NUBPL: variants seen among roughly 807,000 people sequenced by gnomAD.
NUBPL encodes NUBP iron-sulfur cluster assembly factor, mitochondrial.
In NUBPL, 31 loss-of-function variants were observed where a neutral mutation model predicts 45.7. The ratio of observed to expected loss-of-function variants is 0.68; its 90% CI spans 0.51 to 0.92. The LOEUF (loss-of-function observed/expected upper bound fraction) is 0.92, where lower values mean the gene tolerates loss of function less well. NUBPL is among the 40% of genes least tolerant of loss of function. The pLI, the probability that NUBPL is intolerant of heterozygous loss-of-function variation, is 0.00. For synonymous variants in NUBPL, 144 were observed against 140.9 expected (o/e 1.02, Z -0.15); for missense variants, 401 against 398.7 (o/e 1.01, Z -0.05).
rs556159581 is a variant in NUBPL, at chr14:31,790,905, C to A, written c.607+3032C>A. Among the ~76,000 whole-genome samples the A allele has an allele frequency of 7.9e-5, 12 of 152,190 alleles. No individual in the cohort carries two copies. The East Asian group carries it at 2.3e-3, about 29-fold the overall frequency. Reference sequence around the variant, plus strand: ...CAATGGATCCTCCATTCTCCCCAGCCCCTGATAACCACTATTCTTAATTTA... The same window carrying A: ...CAATGGATCCTCCATTCTCCCCAGCACCTGATAACCACTATTCTTAATTTA... On this transcript the variant is annotated intron_variant, in intron 7 of 10. Coordinates refer to ENST00000281081, the MANE Select transcript of NUBPL (RefSeq NM_025152.3).
At chr14:31,744,352 T>A (rs8018186) in intron 6 of NUBPL, among the ~76,000 whole-genome samples, 50 of 152,114 alleles carry the variant, frequency 3.3e-4, no homozygotes, top group African/African-American at 1.1e-3. Flanking sequence ...ATTCAGAATA[T>A]CATTTGTCAT....
chr14:31,603,508 T>C (rs1263835159), intron 4 of NUBPL, among the ~76,000 whole-genome samples: 1 of 152,120 alleles, frequency 6.6e-6, no homozygotes, highest in African/African-American at 2.4e-5. Context: ...TCCTGTATAT[T>C]TATTGGATTA....
intron 4 of NUBPL, among the ~76,000 whole-genome samples, chr14:31,607,815 A>C (rs558076322): frequency 1.3e-5 from 2 of 152,338 alleles, no homozygotes; most frequent in East Asian, 3.9e-4. Context: ...CTAGAGGTAG[A>C]AAGTTCATTC....
At chr14:31,797,727 C>A (rs1180877730) in intron 7 of NUBPL, among the ~76,000 whole-genome samples, 1 of 143,286 alleles carries the variant, frequency 7.0e-6, no homozygotes, top group Non-Finnish European at 1.5e-5. Flanking sequence ...GCATTTAGTC[C>A]ATTTACATTT....
chr14:31,800,233 A>G (rs939530970), intron 7 of NUBPL, among the ~76,000 whole-genome samples: 3 of 152,182 alleles, frequency 2.0e-5, no homozygotes, highest in African/African-American at 7.2e-5. Flanking sequence ...CCCAAAAGTC[A>G]TCTGTGAGGG....
chr14:31,664,616 G>A (rs1173466474), intron 4 of NUBPL, among the ~76,000 whole-genome samples: 1 of 152,196 alleles, frequency 6.6e-6, no homozygotes, highest in Non-Finnish European at 1.5e-5. Context: ...GCTTTTCGAT[G>A]TGCTGCTGGA....
intron 4 of NUBPL, among the ~76,000 whole-genome samples, chr14:31,649,089 A>G (rs956490110): frequency 7.2e-5 from 11 of 152,340 alleles, no homozygotes; most frequent in Non-Finnish European, 1.5e-4. Context: ...ATTTACAGGC[A>G]TGAGCCAATG....
chr14:31,634,806 T>C (rs1161375103), intron 4 of NUBPL, among the ~76,000 whole-genome samples: 2 of 150,872 alleles, frequency 1.3e-5, no homozygotes, highest in South Asian at 2.1e-4. Context: ...TGGTATCTCA[T>C]TGTGGTTTTG....
intron 6 of NUBPL, among the ~76,000 whole-genome samples, chr14:31,785,109 C>T (rs373556921): frequency 3.3e-5 from 5 of 152,166 alleles, no homozygotes; most frequent in East Asian, 1.9e-4. Context: ...TACTCTACAC[C>T]GTCTGACCTT....
At chr14:31,789,092 C>T (rs2039333865) in intron 7 of NUBPL, among the ~76,000 whole-genome samples, 3 of 152,120 alleles carry the variant, frequency 2.0e-5, no homozygotes, top group South Asian at 2.1e-4. Flanking sequence ...CTTGGGAGGC[C>T]GAGGTGGGTG....
chr14:31,848,737 C>G (rs1475422675), intron 9 of NUBPL, among the ~76,000 whole-genome samples: 2 of 152,178 alleles, frequency 1.3e-5, no homozygotes, highest in South Asian at 4.1e-4. Flanking sequence ...CAAGATTTTT[C>G]CCCTTCTTGG....
intron 6 of NUBPL, among the ~76,000 whole-genome samples, chr14:31,761,765 T>G (rs2038815093): frequency 6.6e-6 from 1 of 152,208 alleles, no homozygotes; most frequent in African/African-American, 2.4e-5. Flanking sequence ...TAAGCAACAC[T>G]GATATTTGAT....
chr14:31,638,725 C>T (rs1444609851), intron 4 of NUBPL, among the ~76,000 whole-genome samples: 1 of 152,164 alleles, frequency 6.6e-6, no homozygotes, highest in Non-Finnish European at 1.5e-5. Context: ...TTCAGGTACA[C>T]CAATCAGACG....
chr14:31,738,953 T>C (rs1248012368), intron 6 of NUBPL, among the ~76,000 whole-genome samples: 9 of 151,816 alleles, frequency 5.9e-5, no homozygotes, highest in Non-Finnish European at 1.0e-4. Flanking sequence ...ATATGTCTAT[T>C]ATATATGAAA....
Position 31,834,378 on chromosome 14 carries a change from A to T in NUBPL, c.693+7664A>T, listed in dbSNP as rs191120447. On this transcript the variant is annotated intron_variant, in intron 8 of 10. Transcript: ENST00000281081. ...GTACTTTTAGTAGAGACGGGGTTTC[A>T]CCGTGTTAGCCAGGATGGTCTCGAT... is the stretch of plus-strand genomic sequence containing the variant. 2.9e-3 allele frequency among the ~76,000 whole-genome samples: 436 copies of T among 152,020 alleles called. 1 individual carries two copies. The highest frequency in any genetic ancestry group is 3.8e-3 in the Non-Finnish European group (258 of 67,974).
chr14:31,687,761 A>C (rs2036988073), intron 6 of NUBPL, among the ~76,000 whole-genome samples: 1 of 152,250 alleles, frequency 6.6e-6, no homozygotes, highest in South Asian at 2.1e-4. Flanking sequence ...CCATGGGACC[A>C]TGTGAAGTGC....
chr14:31,663,693 T>G (rs901425901), intron 4 of NUBPL, among the ~76,000 whole-genome samples: 3 of 152,204 alleles, frequency 2.0e-5, no homozygotes, highest in Non-Finnish European at 2.9e-5. Flanking sequence ...GCTTTGTTCT[T>G]TTTGCTTAGG....
intron 6 of NUBPL, among the ~76,000 whole-genome samples, chr14:31,761,181 T>C (rs1482086227): frequency 6.6e-6 from 1 of 152,008 alleles, no homozygotes; most frequent in Non-Finnish European, 1.5e-5. Flanking sequence ...AAGATAACAC[T>C]TCTGAATTTT....
chr14:31,812,952 G>C (rs148500524), intron 7 of NUBPL, among the ~76,000 whole-genome samples: 1 of 150,312 alleles, frequency 6.7e-6, no homozygotes, highest in Non-Finnish European at 1.5e-5. Flanking sequence ...TGGTTCCTAA[G>C]TGAACTCATT....
Sources: allele counts gnomAD v4.1 joint callset (sites outside exome capture counted in the v4.1 genomes callset), GRCh38; gene constraint gnomAD v4.1.1; transcripts MANE v1.5; gene names NCBI Gene and HGNC (gene_info 2026-07-23, HGNC 2026-07-21).